Variants in TMEM154 observed in about 807,000 individuals in gnomAD.
The protein encoded by TMEM154 is transmembrane protein 154.
In TMEM154, 27 loss-of-function variants were observed where a neutral mutation model predicts 24.5. That is an observed-to-expected ratio of 1.10 (90% confidence interval 0.81 to 1.52). TMEM154 has a LOEUF of 1.52. Among genes scored for constraint, TMEM154 ranks in the 40% most tolerant of loss-of-function variants. The pLI is 0.00. For missense variants in TMEM154, 228 were observed against 213.4 expected (o/e 1.07, Z -0.43); for synonymous variants, 67 against 76.8 (o/e 0.87, Z 0.67).
At chr4:152,679,838 C>T (rs1281872775) in intron 1 of TMEM154, 32 bp downstream of exon 1, 1 of 1,593,152 alleles carries the variant, frequency 6.3e-7, no homozygotes. Flanking sequence ...TGCGATCCTC[C>T]TTCCCAGGAG....
chr4:152,648,598 T>A (rs1241216825), intron 3 of TMEM154, among the ~76,000 whole-genome samples: 1 of 152,186 alleles, frequency 6.6e-6, no homozygotes, highest in Non-Finnish European at 1.5e-5. Context: ...CAACCAGGCA[T>A]GGAGGCATCC....
At chr4:152,672,146 A>T (rs1177360044) in intron 1 of TMEM154, among the ~76,000 whole-genome samples, 2 of 151,056 alleles carry the variant, frequency 1.3e-5, no homozygotes, top group Admixed American at 1.3e-4. Flanking sequence ...ATGCGCCTGT[A>T]GTCCCAGCTA....
At chr4:152,662,098 T>C (rs1190850155) in intron 1 of TMEM154, among the ~76,000 whole-genome samples, 2 of 152,192 alleles carry the variant, frequency 1.3e-5, no homozygotes, top group Non-Finnish European at 1.5e-5. Context: ...TTAGGTTCTG[T>C]TGTGTTTCCA....
intron 6 of TMEM154, among the ~76,000 whole-genome samples, chr4:152,636,718 C>T (rs754276768): frequency 6.6e-6 from 1 of 152,224 alleles, no homozygotes; most frequent in Non-Finnish European, 1.5e-5. Flanking sequence ...GGATGGTTAT[C>T]AGATTGACTC....
At position 152,627,098 on chromosome 4, in the gene TMEM154, A is replaced by G. The variant is rs1751934710; in HGVS notation, c.*1448T>C. On this transcript the variant is annotated 3_prime_UTR_variant, in exon 7 of 7. Transcript: ENST00000304385. ...ACCAGCTAGTTATAGCTTTCATTGT[A>G]TGGAAAGACCTCTCTGGTCTGGAAC... 6.6e-6 allele frequency: 1 copy of G among 152,226 alleles called. No individual in the cohort carries two copies. Among genetic ancestry groups the G allele is most frequent in the East Asian group, 1.9e-4 (1 of 5,204 alleles). 9.4% of individuals were successfully genotyped at this position (152,226 alleles called of 1,614,324 possible). A position where few individuals can be genotyped will look rare whatever the true frequency, so the allele number is the denominator to read the frequency against.
At chr4:152,628,591 A>AC (rs1751964465) in intron 6 of TMEM154, 30 bp from the exon 7 acceptor site, 5 of 633,834 alleles carry the variant, frequency 7.9e-6, no homozygotes, top group African/African-American at 8.5e-5. Context: ...AAAAAAAAAA[A>AC]ACAAAAAAAA....
chr4:152,664,847 G>A (rs1401891698), intron 1 of TMEM154, among the ~76,000 whole-genome samples: 15 of 152,172 alleles, frequency 9.9e-5, no homozygotes, highest in African/African-American at 3.1e-4. Flanking sequence ...ACTCTTCCCT[G>A]CGTTGTGGAG....
intron 6 of TMEM154, among the ~76,000 whole-genome samples, chr4:152,632,680 C>A (rs1044260224): frequency 2.6e-5 from 4 of 152,096 alleles, no homozygotes; most frequent in Non-Finnish European, 4.4e-5. Flanking sequence ...TTAAGTTTAT[C>A]CCTGGGTAGT....
At chr4:152,642,167 C>G (rs1752271693) in intron 5 of TMEM154, among the ~76,000 whole-genome samples, 1 of 151,830 alleles carries the variant, frequency 6.6e-6, no homozygotes, top group Non-Finnish European at 1.5e-5. Flanking sequence ...TATCCACCCG[C>G]CTCGGCCTCC....
chr4:152,662,997 G>C (rs897553004), intron 1 of TMEM154, among the ~76,000 whole-genome samples: 2 of 152,122 alleles, frequency 1.3e-5, no homozygotes, highest in African/African-American at 4.8e-5. Flanking sequence ...TGCACCCTTG[G>C]GGCCTGGGAA....
At chr4:152,646,264 C>G (rs1728227285) in intron 3 of TMEM154, among the ~76,000 whole-genome samples, 4 of 152,090 alleles carry the variant, frequency 2.6e-5, no homozygotes, top group Non-Finnish European at 4.4e-5. Context: ...AGCTAGCCTG[C>G]AAGCAGATGA....
intron 1 of TMEM154, among the ~76,000 whole-genome samples, chr4:152,660,519 T>C (rs1441918578): frequency 1.3e-5 from 2 of 152,140 alleles, no homozygotes; most frequent in African/African-American, 4.8e-5. Flanking sequence ...TCTCATTTTG[T>C]CCTCACCATT....
chr4:152,663,800 C>G (rs2149788247), intron 1 of TMEM154, among the ~76,000 whole-genome samples: 1 of 152,362 alleles, frequency 6.6e-6, no homozygotes, highest in South Asian at 2.1e-4. Context: ...TGATAATAAA[C>G]TGCACAGTGT....
chr4:152,640,805 C>T (rs1353815846), intron 6 of TMEM154, 123 bp downstream of exon 6: 7 of 785,118 alleles, frequency 8.9e-6, no homozygotes, highest in Admixed American at 2.7e-5. Context: ...CATATCCAGC[C>T]GCGTAAATGA....
intron 6 of TMEM154, among the ~76,000 whole-genome samples, chr4:152,637,021 A>G (rs373022310): frequency 8.8e-4 from 134 of 152,280 alleles, no homozygotes; most frequent in African/African-American, 3.2e-3. Context: ...TGGTGTGTCA[A>G]TGTAGGTTGA....
chr4:152,628,468 C>T lies in TMEM154; in HGVS notation c.*78G>A. The T allele has an allele frequency of 1.3e-6, 2 of 1,561,450 alleles. No homozygotes were observed. Among genetic ancestry groups the T allele is most frequent in the Non-Finnish European group, 1.7e-6 (2 of 1,146,128 alleles). ...ATTTGAAATTAATTAAATTTGTATC[C>T]TCTTCATCCTCTGTTGGCAGCCTCA... On this transcript the variant is annotated 3_prime_UTR_variant, in exon 7 of 7. Coordinates refer to ENST00000304385, the MANE Select transcript of TMEM154 (RefSeq NM_152680.3).
intron 1 of TMEM154, among the ~76,000 whole-genome samples, chr4:152,673,521 G>A (rs1728893990): frequency 6.6e-6 from 1 of 152,064 alleles, no homozygotes; most frequent in Admixed American, 6.5e-5. Flanking sequence ...AGCTAGTCTC[G>A]AACTCCTGAC....
At position 152,628,577 on chromosome 4, in the gene TMEM154, AAAAAAAAAAAAAAAAC is replaced by A. The variant is rs756140609; in HGVS notation, c.537-32_537-17del. 5.6e-3 allele frequency: 6,568 copies of A among 1,176,096 alleles called. 23 individuals carry two copies. Among genetic ancestry groups the A allele is most frequent in the Admixed American group, 7.0e-3 (219 of 31,124 alleles). 72.9% of individuals were successfully genotyped at this position (1,176,096 alleles called of 1,614,324 possible). On this transcript the variant is annotated splice_polypyrimidine_tract_variant and intron_variant, in intron 6 of 6. Transcript: ENST00000304385. ...TTCACTGTCACTGTAAAAAAAAAAA[AAAAAAAAAAAAAAAAC>A]AAAAAAAACACACACACACACACAA...
intron 1 of TMEM154, among the ~76,000 whole-genome samples, chr4:152,677,816 T>C (rs779032185): frequency 1.2e-4 from 19 of 152,232 alleles, no homozygotes; most frequent in Non-Finnish European, 2.4e-4. Context: ...GATTTTCATA[T>C]TTATCAACAA....
Sources: allele counts gnomAD v4.1 joint callset (sites outside exome capture counted in the v4.1 genomes callset), GRCh38; gene constraint gnomAD v4.1.1; transcripts MANE v1.5; gene names NCBI Gene and HGNC (gene_info 2026-07-23, HGNC 2026-07-21).